TRPM3: variants seen among roughly 807,000 people sequenced by gnomAD.
TRPM3 encodes long transient receptor potential channel 3.
In TRPM3, 77 loss-of-function variants were observed where a neutral mutation model predicts 181.2. That is an observed-to-expected ratio of 0.42 (90% CI 0.35 to 0.51). The LOEUF is 0.51. TRPM3 is among the 20% of genes least tolerant of loss of function. TRPM3 has a pLI of 0.01. For missense variants in TRPM3, 1,759 were observed against 2,196.7 expected (o/e 0.80, Z 3.98); for synonymous variants, 745 against 796.4 (o/e 0.94, Z 1.09).
intron 1 of TRPM3, among the ~76,000 whole-genome samples, chr9:71,402,909 T>C (rs1048040227): frequency 1.3e-5 from 2 of 152,102 alleles, no homozygotes; most frequent in African/African-American, 4.8e-5. Flanking sequence ...AATTCATCCA[T>C]TCACTCAAAA....
chr9:70,983,734 G>C (rs148241663), intron 1 of TRPM3, among the ~76,000 whole-genome samples: 25 of 152,276 alleles, frequency 1.6e-4, no homozygotes, highest in African/African-American at 6.0e-4. Flanking sequence ...TATTGGTTAG[G>C]GGCATATATT....
chr9:70,606,739 G>GTAAGTCAGTAGGAGAACTC (rs1203411667), intron 19 of TRPM3, among the ~76,000 whole-genome samples: 1 of 151,854 alleles, frequency 6.6e-6, no homozygotes, highest in Non-Finnish European at 1.5e-5. Flanking sequence ...TCTTATTTAA[G>GTAAGTCAGTAGGAGAACTC]TAAGTCAGTA....
intron 1 of TRPM3, among the ~76,000 whole-genome samples, chr9:71,051,244 T>C (rs1313736852): frequency 2.0e-5 from 3 of 152,210 alleles, no homozygotes; most frequent in African/African-American, 7.2e-5. Flanking sequence ...CTGGTTGGCA[T>C]TCATTCAAAA....
chr9:71,103,345 G>A (rs113994707), intron 1 of TRPM3, among the ~76,000 whole-genome samples: 1 of 152,286 alleles, frequency 6.6e-6, no homozygotes, highest in African/African-American at 2.4e-5. Flanking sequence ...AAAGTATTGA[G>A]TGCCTGCTCT....
At chr9:71,066,600 A>G (rs1280956402) in intron 1 of TRPM3, among the ~76,000 whole-genome samples, 3 of 152,154 alleles carry the variant, frequency 2.0e-5, no homozygotes, top group Admixed American at 2.0e-4. Context: ...GGTCTTATAT[A>G]CAGAGTGGGG....
chr9:71,037,350 T>C (rs993727472), intron 1 of TRPM3, among the ~76,000 whole-genome samples: 3 of 152,224 alleles, frequency 2.0e-5, no homozygotes, highest in African/African-American at 7.2e-5. Context: ...ATTTAAAGTT[T>C]GAATATGTAA....
intron 1 of TRPM3, among the ~76,000 whole-genome samples, chr9:71,372,390 C>T (rs980259231): frequency 6.6e-6 from 1 of 152,012 alleles, no homozygotes; most frequent in African/African-American, 2.4e-5. Flanking sequence ...TACCTCCATG[C>T]CTTTCAGGAA....
intron 9 of TRPM3, among the ~76,000 whole-genome samples, chr9:70,643,201 T>C (rs546206486): frequency 6.6e-6 from 1 of 152,284 alleles, no homozygotes; most frequent in Admixed American, 6.5e-5. Context: ...TGTGTCAAAA[T>C]GTTCTGTCAT....
intron 1 of TRPM3, among the ~76,000 whole-genome samples, chr9:71,278,584 CATATA>C (rs1449368929): frequency 6.6e-6 from 1 of 152,168 alleles, no homozygotes; most frequent in Non-Finnish European, 1.5e-5. Flanking sequence ...TATGCAACAT[CATATA>C]ATATAAGATT....
rs71367235 is a variant in TRPM3, at chr9:70,888,362, GGTGTGT to G, written c.178-23857_178-23852del. 9.8e-3 allele frequency among the ~76,000 whole-genome samples: 1,412 copies of G among 143,708 alleles called. 18 individuals carry two copies. The highest frequency in any genetic ancestry group is 0.033 in the Middle Eastern group (9 of 276). 94.3% of individuals were successfully genotyped at this position (143,708 alleles called of 152,430 possible). ...TTTTTTGCTCTTGCTTTTATTTTGG[GGTGTGT>G]GTGTGTGTGTGTGTGTGTGTGTGTG... is the stretch of plus-strand genomic sequence containing the variant. On this transcript the variant is annotated intron_variant, in intron 1 of 25. Coordinates refer to ENST00000677713, the MANE Select transcript of TRPM3 (RefSeq NM_001366145.2).
At chr9:70,947,818 G>A (rs1289179875) in intron 1 of TRPM3, among the ~76,000 whole-genome samples, 1 of 152,150 alleles carries the variant, frequency 6.6e-6, no homozygotes, top group African/African-American at 2.4e-5. Flanking sequence ...GTATTTTCCA[G>A]GGAAATGCAG....
At position 71,096,858 on chromosome 9, in the gene TRPM3, T is replaced by C. The variant is rs1213827581; in HGVS notation, c.177+24320A>G. On this transcript the variant is annotated intron_variant, in intron 1 of 25. Coordinates refer to ENST00000677713, the MANE Select transcript of TRPM3 (RefSeq NM_001366145.2). Reference sequence around the variant, plus strand: ...CTATTTGGCACTATTTGCAAGAACATAAAAATTCAGAATTCAAAAATAATC... The same window carrying C: ...CTATTTGGCACTATTTGCAAGAACACAAAAATTCAGAATTCAAAAATAATC... 2.6e-5 allele frequency among the ~76,000 whole-genome samples: 4 copies of C among 152,068 alleles called. No homozygotes were observed. The East Asian group carries it at 7.7e-4, about 29-fold the overall frequency.
chr9:70,963,405 T>A (rs1285576028), intron 1 of TRPM3, among the ~76,000 whole-genome samples: 1 of 152,126 alleles, frequency 6.6e-6, no homozygotes, highest in African/African-American at 2.4e-5. Context: ...ATATAGTTTT[T>A]AAAGAGGGGG....
At chr9:71,133,730 ATGT>A (rs1447531170) in intron 1 of TRPM3, among the ~76,000 whole-genome samples, 2 of 152,104 alleles carry the variant, frequency 1.3e-5, no homozygotes, top group African/African-American at 4.8e-5. Flanking sequence ...AATTTTGATG[ATGT>A]TGTTATTTAC....
chr9:70,973,298 T>C (rs1305438266), intron 1 of TRPM3, among the ~76,000 whole-genome samples: 2 of 152,222 alleles, frequency 1.3e-5, no homozygotes, highest in Non-Finnish European at 1.5e-5. Context: ...TTAGCTGAGC[T>C]AGCCTGAATT....
At chr9:71,191,132 CT>C (rs1454888164) in intron 1 of TRPM3, among the ~76,000 whole-genome samples, 1 of 151,794 alleles carries the variant, frequency 6.6e-6, no homozygotes. Context: ...AGGCCACACA[CT>C]GAAAATAATG....
At chr9:71,237,290 G>T (rs1355729886) in intron 1 of TRPM3, among the ~76,000 whole-genome samples, 4 of 151,924 alleles carry the variant, frequency 2.6e-5, no homozygotes, top group Non-Finnish European at 4.4e-5. Flanking sequence ...TTTTCTGAAT[G>T]AAATGATGAT....
chr9:70,884,376 T>C (rs992395112), intron 1 of TRPM3, among the ~76,000 whole-genome samples: 1 of 152,200 alleles, frequency 6.6e-6, no homozygotes, highest in Admixed American at 6.5e-5. Flanking sequence ...AAGGCAAATG[T>C]CTGATTTCAC....
In TRPM3 at chr9:71,402,503, A is replaced by G. The variant is rs137974557; in HGVS notation, c.183+44150T>C. Among the ~76,000 whole-genome samples, 901 of 152,260 alleles carry G rather than the reference A, an allele frequency of 5.9e-3. 12 individuals carry two copies. The highest frequency in any genetic ancestry group is 0.021 in the African/African-American group (865 of 41,548). On this transcript the variant is annotated intron_variant, in intron 1 of 24. Coordinates refer to the TRPM3 transcript ENST00000357533. ...AAGGTCTGTAGCATTTCTCCTGTGT[A>G]TTTTGATAATCCATTAACAGGCATT... is the stretch of plus-strand genomic sequence containing the variant.
Sources: gnomAD v4.1 joint callset for allele counts (sites outside exome capture counted in the v4.1 genomes callset) on GRCh38, gnomAD v4.1.1 for gene constraint, MANE v1.5 for transcripts, NCBI Gene and HGNC (gene_info 2026-07-23, HGNC 2026-07-21) for gene names.